The following MYO7B variants were observed in gnomAD, a reference collection of about 807,000 sequenced individuals.
MYO7B encodes the protein myosin VIIB, also known as unconventional myosin-VIIb.
Under a neutral mutation model 259.7 loss-of-function variants are expected in MYO7B, and 212 were observed. The ratio of observed to expected loss-of-function variants is 0.82; its 90% CI spans 0.73 to 0.91. The LOEUF is 0.91. Among genes scored for constraint, MYO7B ranks in the 40% least tolerant of loss-of-function variants. The pLI is 0.00. For synonymous variants in MYO7B, 1,197 were observed against 1,166.4 expected, an observed-to-expected ratio of 1.03 and a Z score of -0.54; for missense variants, 2,732 against 2,813.5, an observed-to-expected ratio of 0.97 and a Z score of 0.66.
At chr2:127,567,598 T>C (rs528104926) in intron 5 of MYO7B, among the ~76,000 whole-genome samples, 1 of 152,310 alleles carries the variant, frequency 6.6e-6, no homozygotes, top group East Asian at 1.9e-4. Context: ...CAGAGAACTT[T>C]GGTGTCCTCA....
chr2:127,610,684 G>A lies in MYO7B; in HGVS notation c.3192+668G>A, dbSNP rs571789923. Among the ~76,000 whole-genome samples, 59 of 152,364 alleles carry A rather than the reference G, an allele frequency of 3.9e-4. 1 individual carries two copies. Among genetic ancestry groups the A allele is most frequent in the African/African-American group, 1.2e-3 (51 of 41,586 alleles). The stretch of plus-strand genomic sequence containing the variant: ...ATGCAGTGACAGCACTCAGTGGCCC[G>A]CCAGTGGCAGGAGCCCATGACTGCC... On this transcript the variant is annotated intron_variant, in intron 24 of 47. Transcript: ENST00000409816.
In MYO7B at chr2:127,609,851, C is replaced by T. The variant is rs202235279; in HGVS notation, c.3027C>T (p.Ala1009=). The change falls in exon 24 of 48, where the codon GCC becomes GCT. Residue 1009 remains alanine, a splice_region_variant and synonymous_variant. Transcript: ENST00000409816. The surrounding 1 kb of genome is among the most constrained non-coding windows in gnomAD (Gnocchi z 6.9). ...LYHEDDTDCL[A]ALVIWNVILR... ...GGCCTTCTGTCTTGTTTCCCCAGGCCGCCCTGGTCATATGGAACGTCATCC... is the reference window on the plus strand; with the variant it reads ...GGCCTTCTGTCTTGTTTCCCCAGGCTGCCCTGGTCATATGGAACGTCATCC... 8 of 1,613,364 alleles carry T rather than the reference C, an allele frequency of 5.0e-6. No homozygotes were observed. In the African/African-American group the frequency reaches 6.7e-5, roughly 13 times the overall value.
rs532008297 is a variant in MYO7B at position 127,576,235 on chromosome 2, G to A, written c.736-360G>A. 2.0e-5 allele frequency among the ~76,000 whole-genome samples: 3 copies of A among 151,956 alleles called. No homozygotes were observed. Among genetic ancestry groups the A allele is most frequent in the Non-Finnish European group, 2.9e-5 (2 of 67,984 alleles). ...AAATACTGAAGGCCTAGGGAGCCCC[G>A]TGGCTGTCAGATCTCTCGTGGGCCA... On this transcript the variant is annotated intron_variant, in intron 7 of 47. Coordinates refer to ENST00000409816, the MANE Select transcript of MYO7B (RefSeq NM_001393586.1). This position sits in a 1 kb window ranked among gnomAD's most constrained non-coding sequence, Gnocchi z 4.9.
chr2:127,560,658 G>T (rs1457977762), intron 2 of MYO7B, among the ~76,000 whole-genome samples: 1 of 152,172 alleles, frequency 6.6e-6, no homozygotes, highest in Non-Finnish European at 1.5e-5. Flanking sequence ...AGCCCAGAGA[G>T]CAGAGGCCCC....
At chr2:127,631,034 G>A (rs1681469473) in intron 36 of MYO7B, 126 bp downstream of exon 36, 13 of 1,375,896 alleles carry the variant, frequency 9.4e-6, no homozygotes, top group South Asian at 5.7e-5. Context: ...GAGAGGCCAC[G>A]CCACCCATGT....
chr2:127,625,252 A>T, intron 30 of MYO7B, 116 bp from the exon 31 acceptor site: 1 of 1,259,686 alleles, frequency 7.9e-7, no homozygotes, highest in Non-Finnish European at 1.1e-6. Context: ...TGCCCGAGCC[A>T]CAGGTTAGCT....
At chr2:127,610,479 A>T (rs971218400) in intron 24 of MYO7B, among the ~76,000 whole-genome samples, 1 of 152,240 alleles carries the variant, frequency 6.6e-6, no homozygotes, top group Non-Finnish European at 1.5e-5. Flanking sequence ...GGACATGTGT[A>T]TGGGACCTGG....
At chr2:127,625,677 T>C in intron 31 of MYO7B, 142 bp downstream of exon 31, 1 of 954,238 alleles carries the variant, frequency 1.0e-6, no homozygotes, top group South Asian at 2.1e-5. Context: ...GACAGTTAAG[T>C]AGAGCCCTGT....
rs772435982 is a variant in MYO7B at position 127,632,413 on chromosome 2, G to GCCTCCAGCC, written c.5405+15_5405+23dup. 6.6e-7 allele frequency: 1 copy of GCCTCCAGCC among 1,526,258 alleles called. No homozygotes were observed. The highest frequency in any genetic ancestry group is 8.8e-7 in the Non-Finnish European group (1 of 1,136,498). 94.5% of individuals were successfully genotyped at this position (1,526,258 alleles called of 1,614,324 possible). A position where few individuals can be genotyped will look rare whatever the true frequency, so the allele number is the denominator to read the frequency against. ...CAGAAGGTCCTGAGGTGAGCCCAGT[G>GCCTCCAGCC]CCTCCAGCCCCCAGCATTGGCCCTG... On this transcript the variant is annotated intron_variant, in intron 39 of 47. Coordinates refer to ENST00000409816, the MANE Select transcript of MYO7B (RefSeq NM_001393586.1).
intron 30 of MYO7B, 47 bp from the exon 31 acceptor site, chr2:127,625,321 G>T: frequency 1.4e-6 from 2 of 1,449,522 alleles, no homozygotes; most frequent in Non-Finnish European, 1.8e-6. Context: ...GAAGGGGGGA[G>T]CTCTCACTTG....
chr2:127,564,037 T>A, intron 2 of MYO7B, 116 bp from the exon 3 acceptor site: 2 of 693,436 alleles, frequency 2.9e-6, no homozygotes, highest in Non-Finnish European at 4.8e-6. Flanking sequence ...AGAGACAAGC[T>A]CCAGCCACCT....
At chr2:127,552,478 C>T (rs1030514234) in intron 1 of MYO7B, among the ~76,000 whole-genome samples, 3 of 152,044 alleles carry the variant, frequency 2.0e-5, no homozygotes, top group Non-Finnish European at 4.4e-5. Context: ...GCTTCTGAAG[C>T]GGAGCAGTTC....
chr2:127,595,991 G>C (rs992590374), intron 18 of MYO7B, among the ~76,000 whole-genome samples: 7 of 152,290 alleles, frequency 4.6e-5, no homozygotes, highest in African/African-American at 1.4e-4. Flanking sequence ...ACTTGATCCA[G>C]AGCTGAGTTC....
At chr2:127,620,088 C>T (rs1009267420) in intron 26 of MYO7B, 1 of 331,766 alleles carries the variant, frequency 3.0e-6, no homozygotes, top group African/African-American at 2.1e-5. Context: ...GCTGGAGAAC[C>T]TGCTGCTTCC....
chr2:127,571,176 C>G (rs1243125362), intron 6 of MYO7B, among the ~76,000 whole-genome samples: 2 of 152,140 alleles, frequency 1.3e-5, no homozygotes, highest in African/African-American at 4.8e-5. Context: ...TTCCAAAATG[C>G]TCACAGCATT....
chr2:127,625,603 A>G, intron 31 of MYO7B, 68 bp downstream of exon 31: 1 of 1,430,024 alleles, frequency 7.0e-7, no homozygotes, highest in Non-Finnish European at 9.2e-7. Context: ...GGCTCATGGT[A>G]TACAGAGGAG....
In MYO7B at chr2:127,607,178, T is replaced by C; in HGVS notation, c.2425-28T>C. On this transcript the variant is annotated intron_variant, in intron 20 of 47. Coordinates refer to ENST00000409816, the MANE Select transcript of MYO7B (RefSeq NM_001393586.1). This position sits in a 1 kb window ranked among gnomAD's most constrained non-coding sequence, Gnocchi z 4.4. ...TTCCTGGGGAAGGCCTTCTTGCCCC[T>C]GATCTCACCTCTCTCTTGCCTCCGC... 6.5e-7 allele frequency: 1 copy of C among 1,532,696 alleles called. No homozygotes were observed. Among genetic ancestry groups the C allele is most frequent in the Non-Finnish European group, 8.8e-7 (1 of 1,135,884 alleles). The allele number at this position is 1,532,696 out of a possible 1,614,324, so 94.9% of individuals were successfully genotyped here. A position where few individuals can be genotyped will look rare whatever the true frequency, so the allele number is the denominator to read the frequency against.
chr2:127,544,658 G>T lies in MYO7B; in HGVS notation c.-24+8827G>T, dbSNP rs191345821. ...TGCAGTGGCGCTATCTCGGCTCACT[G>T]CAAGCTCCGCCTCCTGGGTTTACGC... On this transcript the variant is annotated intron_variant, in intron 1 of 47. Transcript: ENST00000409816. Among the ~76,000 whole-genome samples the T allele has an allele frequency of 9.0e-5, 13 of 144,512 alleles. No individual in the cohort carries two copies. The East Asian group carries it at 2.7e-3, about 30-fold the overall frequency. 94.8% of individuals were successfully genotyped at this position (144,512 alleles called of 152,430 possible). A position where few individuals can be genotyped will look rare whatever the true frequency, so the allele number is the denominator to read the frequency against.
At position 127,636,110 on chromosome 2, in the gene MYO7B, C is replaced by T. The variant is rs1201870460; in HGVS notation, c.6007-98C>T. The T allele has an allele frequency of 8.7e-7, 1 of 1,153,004 alleles. No individual in the cohort carries two copies. The highest frequency in any genetic ancestry group is 1.3e-6 in the Non-Finnish European group (1 of 795,580). 71.4% of individuals were successfully genotyped at this position (1,153,004 alleles called of 1,614,324 possible). ...CATGCTGCATTCCTCCCCTCCCCTC[C>T]CCACCGTACTAGCCCTGGGGTAGGC... On this transcript the variant is annotated intron_variant, in intron 44 of 47. Transcript: ENST00000409816. This position sits in a 1 kb window ranked among gnomAD's most constrained non-coding sequence, Gnocchi z 4.5.
Sources: allele counts gnomAD v4.1 joint callset (sites outside exome capture counted in the v4.1 genomes callset), GRCh38; gene constraint gnomAD v4.1.1; non-coding constraint Gnocchi (gnomAD v3.1); transcripts MANE v1.5; gene names NCBI Gene and HGNC (gene_info 2026-07-23, HGNC 2026-07-21).